Variants in PRKAG3 observed in about 807,000 individuals in gnomAD.
The protein encoded by PRKAG3 is protein kinase AMP-activated non-catalytic subunit gamma 3.
PRKAG3 carries 39 observed loss-of-function variants against 56.5 expected under a neutral mutation model. The ratio of observed to expected loss-of-function variants is 0.69; its 90% CI spans 0.53 to 0.90. The LOEUF is 0.90. PRKAG3 is among the 40% of genes least tolerant of loss of function. PRKAG3 has a pLI of 0.00. For missense variants in PRKAG3, 628 were observed against 627.5 expected (o/e 1.00, Z -0.01); for synonymous variants, 243 against 250.1 (o/e 0.97, Z 0.27).
In PRKAG3 at chr2:218,827,133, CA is replaced by C; in HGVS notation, c.1003-41del. Reference sequence around the variant, plus strand: ...GACCAGGTGGAGATCAGGGATCCAGCAGCTTCAAGAGGGCTCCCAGCTCTTC... The same window carrying C: ...GACCAGGTGGAGATCAGGGATCCAGCGCTTCAAGAGGGCTCCCAGCTCTTC... On this transcript the variant is annotated intron_variant, in intron 9 of 12. Coordinates refer to ENST00000529249, the Ensembl canonical transcript of PRKAG3. The surrounding 1 kb of genome is among the most constrained non-coding windows in gnomAD (Gnocchi z 5.3). 1 of 1,612,790 alleles carries C rather than the reference CA, an allele frequency of 6.2e-7. No homozygotes were observed. Among genetic ancestry groups the C allele is most frequent in the Non-Finnish European group, 8.5e-7 (1 of 1,179,932 alleles).
rs540103532 is a variant in PRKAG3 at position 218,826,707 on chromosome 2, A to T, written c.1168+221T>A. 6.8e-6 allele frequency: 4 copies of T among 587,612 alleles called. No individual in the cohort carries two copies. In the African/African-American group the frequency reaches 7.4e-5, roughly 11 times the overall value. The allele number at this position is 587,612 out of a possible 1,614,324, so 36.4% of individuals were successfully genotyped here. A position where few individuals can be genotyped will look rare whatever the true frequency, so the allele number is the denominator to read the frequency against. On this transcript the variant is annotated intron_variant, in intron 10 of 12. Coordinates refer to ENST00000529249, the Ensembl canonical transcript of PRKAG3. ...TAAATCCTCCTGTGAAGTCAGAAAG[A>T]TGAGTGTTGTGAAGAATCCCATTTC...
chr2:218,828,681 A>G (rs748476319), intron 4 of PRKAG3, 81 bp from the exon 5 acceptor site: 12 of 1,229,408 alleles, frequency 9.8e-6, no homozygotes, highest in Non-Finnish European at 1.4e-5. Flanking sequence ...CGCACCTCCC[A>G]TCTGCCTGCT....
chr2:218,823,957 G>A, intron 12 of PRKAG3, 79 bp from the exon 13 acceptor site: 1 of 1,418,668 alleles, frequency 7.0e-7, no homozygotes, highest in South Asian at 1.2e-5. Flanking sequence ...AAGAATCAGG[G>A]GAAACAACCC....
At chr2:218,830,368 C>T in exon 4 of PRKAG3, 1 of 1,607,734 alleles carries the variant, frequency 6.2e-7, no homozygotes. Context: ...CAGCAGCTGG[C>T]CTGGACCGGG....
rs1357895369 is a variant in PRKAG3 at position 218,827,099 on chromosome 2, T to A, written c.1003-6A>T. On this transcript the variant is annotated splice_polypyrimidine_tract_variant and splice_region_variant and intron_variant, in intron 9 of 12. Transcript: ENST00000529249. The surrounding 1 kb of genome is among the most constrained non-coding windows in gnomAD (Gnocchi z 5.3). Reference sequence around the variant, plus strand: ...GGCCGGGGCAGCAGGGAACCCTGGTTAGGATGGGGACCAGGTGGAGATCAG... The same window carrying A: ...GGCCGGGGCAGCAGGGAACCCTGGTAAGGATGGGGACCAGGTGGAGATCAG... The A allele has an allele frequency of 2.5e-6, 4 of 1,612,896 alleles. No individual in the cohort carries two copies. The highest frequency in any genetic ancestry group is 2.5e-6 in the Non-Finnish European group (3 of 1,179,986).
In PRKAG3 at chr2:218,827,570, C is replaced by T; in HGVS notation, c.875+5G>A. ...AGGCTCAGGTGAATGAGCAGAGACA[C>T]CCACCTATCATTAGGAGAGATGGAG... On this transcript the variant is annotated splice_donor_5th_base_variant and intron_variant, in intron 8 of 12. Coordinates refer to ENST00000529249, the Ensembl canonical transcript of PRKAG3. The surrounding 1 kb of genome is among the most constrained non-coding windows in gnomAD (Gnocchi z 5.3). The T allele has an allele frequency of 6.2e-7, 1 of 1,613,142 alleles. No individual in the cohort carries two copies. The highest frequency in any genetic ancestry group is 8.5e-7 in the Non-Finnish European group (1 of 1,179,180).
At chr2:218,831,585 A>C (rs1323607246) in intron 1 of PRKAG3, among the ~76,000 whole-genome samples, 153 bp downstream of exon 1, 1 of 152,044 alleles carries the variant, frequency 6.6e-6, no homozygotes, top group African/African-American at 2.4e-5. Flanking sequence ...CTCACAATAC[A>C]TATGCCCAAA....
At chr2:218,823,158 G>A, downstream of PRKAG3, 2 of 698,932 alleles carry the variant, frequency 2.9e-6, no homozygotes, top group Non-Finnish European at 3.5e-6. Context: ...GCCAGCCATG[G>A]TGAGTAGATG....
In PRKAG3 at chr2:218,827,422, C is replaced by T. The variant is rs770853858; in HGVS notation, c.876-49G>A. On this transcript the variant is annotated intron_variant, in intron 8 of 12. Transcript: ENST00000529249. This position sits in a 1 kb window ranked among gnomAD's most constrained non-coding sequence, Gnocchi z 5.3. ...CTCGGGGCAGCCTAGGGAGAGACAACCTCCATCCCAGGCCCCTAAAAAGGA... is the reference window on the plus strand; with the variant it reads ...CTCGGGGCAGCCTAGGGAGAGACAATCTCCATCCCAGGCCCCTAAAAAGGA... 5.6e-6 allele frequency: 9 copies of T among 1,613,136 alleles called. No individual in the cohort carries two copies. Among genetic ancestry groups the T allele is most frequent in the Non-Finnish European group, 7.6e-6 (9 of 1,179,300 alleles).
chr2:218,827,705 C>T lies in PRKAG3; in HGVS notation c.821-76G>A, dbSNP rs1028348888. 3.2e-5 allele frequency: 51 copies of T among 1,574,640 alleles called. No homozygotes were observed. The highest frequency in any genetic ancestry group is 4.1e-5 in the Non-Finnish European group (47 of 1,144,612). On this transcript the variant is annotated intron_variant, in intron 7 of 12. Coordinates refer to ENST00000529249, the Ensembl canonical transcript of PRKAG3. This position sits in a 1 kb window ranked among gnomAD's most constrained non-coding sequence, Gnocchi z 5.3. ...TTGCAGTCCCAGGCAGCTTCCCTTC[C>T]GTCAGGCACCCGAGGCTCCTATTGT...
downstream of PRKAG3, chr2:218,822,771 G>A (rs1426958374): frequency 6.7e-6 from 4 of 599,052 alleles, no homozygotes; most frequent in African/African-American, 2.1e-5. Context: ...CAGTGGCGAC[G>A]TTGCTGGGAA....
In PRKAG3 at chr2:218,828,206, C is replaced by T. The variant is rs1943965886; in HGVS notation, c.716-144G>A. The T allele has an allele frequency of 2.4e-5, 21 of 859,496 alleles. No individual in the cohort carries two copies. In the South Asian group the frequency reaches 3.6e-4, roughly 15 times the overall value. The allele number at this position is 859,496 out of a possible 1,614,324, so 53.2% of individuals were successfully genotyped here. On this transcript the variant is annotated intron_variant, in intron 5 of 12. Transcript: ENST00000529249. ...GGAACAGGACAGTGGGGCAGCCCCC[C>T]AGGCCTGAGAAGTGGGGCTCTTTCT...
chr2:218,826,538 C>A (rs1272286642), intron 10 of PRKAG3: 1 of 299,172 alleles, frequency 3.3e-6, no homozygotes, highest in East Asian at 8.1e-5. Flanking sequence ...AAACTCCTGG[C>A]CTCAAGCGAC....
exon 4 of PRKAG3, chr2:218,830,189 G>T (rs372672476): frequency 6.2e-6 from 10 of 1,614,140 alleles, no homozygotes; most frequent in Non-Finnish European, 8.5e-6. Flanking sequence ...GGCCTCTGTG[G>T]CTGGGAACTC....
At position 218,827,819 on chromosome 2, in the gene PRKAG3, C is replaced by T. The variant is rs752249290; in HGVS notation, c.820+14G>A. ...ATCACCAACAGCCCTTTCCGGGTTC[C>T]TCTCCCCACTCACCCCTCCAGGTCT... is the stretch of plus-strand genomic sequence containing the variant. On this transcript the variant is annotated intron_variant, in intron 7 of 12. Coordinates refer to ENST00000529249, the Ensembl canonical transcript of PRKAG3. This position sits in a 1 kb window ranked among gnomAD's most constrained non-coding sequence, Gnocchi z 5.3. The T allele has an allele frequency of 1.2e-6, 2 of 1,613,574 alleles. No homozygotes were observed. The highest frequency in any genetic ancestry group is 1.7e-6 in the Non-Finnish European group (2 of 1,179,506).
At chr2:218,829,206 A>G (rs780444665) in intron 4 of PRKAG3, among the ~76,000 whole-genome samples, 2 of 152,230 alleles carry the variant, frequency 1.3e-5, no homozygotes, top group Non-Finnish European at 2.9e-5. Flanking sequence ...TAACAATGAT[A>G]AGAATAAGAT....
exon 1 of PRKAG3, chr2:218,831,747 T>C (rs1944023567): frequency 6.2e-6 from 10 of 1,610,934 alleles, no homozygotes; most frequent in Non-Finnish European, 8.5e-6. Flanking sequence ...CCCTGCGCAG[T>C]GCGTGCTCCA....
At chr2:218,824,454 AG>A in intron 11 of PRKAG3, 84 bp downstream of exon 11, 1 of 1,610,788 alleles carries the variant, frequency 6.2e-7, no homozygotes, top group East Asian at 2.2e-5. Context: ...ATACTTGTCA[AG>A]GTCCCCCTGG....
chr2:218,831,188 C>T lies in PRKAG3; in HGVS notation c.73+148G>A, dbSNP rs1033180969. 1.2e-5 allele frequency: 9 copies of T among 720,882 alleles called. No homozygotes were observed. In the Admixed American group the frequency reaches 2.0e-4, roughly 16 times the overall value. 44.7% of individuals were successfully genotyped at this position (720,882 alleles called of 1,614,324 possible). ...GGAAATTGGAGGTGAGGGAAACACA[C>T]CTGGGGAAAGGAGGAAGAACAATGA... On this transcript the variant is annotated intron_variant, in intron 2 of 12. Coordinates refer to ENST00000529249, the Ensembl canonical transcript of PRKAG3.
Sources: gnomAD v4.1 joint callset for allele counts (sites outside exome capture counted in the v4.1 genomes callset) on GRCh38, gnomAD v4.1.1 for gene constraint, Gnocchi (gnomAD v3.1) non-coding constraint, MANE v1.5 for transcripts, NCBI Gene and HGNC (gene_info 2026-07-23, HGNC 2026-07-21) for gene names.